The following LONRF1 variants were observed in gnomAD, a reference collection of about 807,000 sequenced individuals.
The protein encoded by LONRF1 is LON peptidase N-terminal domain and RING finger protein 1.
Under a neutral mutation model 85.8 loss-of-function variants are expected in LONRF1, and 37 were observed. The ratio of observed to expected loss-of-function variants is 0.43; its 90% CI spans 0.33 to 0.57. The LOEUF (loss-of-function observed/expected upper bound fraction) is 0.57, where lower values mean the gene tolerates loss of function less well. Ranked by LOEUF, LONRF1 falls within the 20% of genes least tolerant of loss-of-function variation. The pLI is 0.04. For synonymous variants in LONRF1, 517 were observed against 390.1 expected (o/e 1.33, Z -3.83); for missense variants, 1,036 against 978.0 (o/e 1.06, Z -0.79).
intron 11 of LONRF1, among the ~76,000 whole-genome samples, chr8:12,725,415 T>C (rs1798258356): frequency 6.6e-6 from 1 of 152,180 alleles, no homozygotes; most frequent in Non-Finnish European, 1.5e-5. Flanking sequence ...TCACAGTTTC[T>C]AGATAGTAAC....
chr8:12,724,390 C>T (rs1806070388), intron 11 of LONRF1, among the ~76,000 whole-genome samples: 1 of 152,178 alleles, frequency 6.6e-6, no homozygotes, highest in Non-Finnish European at 1.5e-5. Context: ...ATAGCCACTT[C>T]CCCACTAGTT....
At chr8:12,753,212 G>A (rs930214132) in intron 1 of LONRF1, 9 of 152,078 alleles carry the variant, frequency 5.9e-5, no homozygotes, top group South Asian at 2.1e-4. Flanking sequence ...AAAAATCTCC[G>A]GGGTTTGTGC....
At chr8:12,746,717 C>T (rs1330740615) in intron 1 of LONRF1, among the ~76,000 whole-genome samples, 1 of 152,076 alleles carries the variant, frequency 6.6e-6, no homozygotes, top group African/African-American at 2.4e-5. Flanking sequence ...TAGGATTGTC[C>T]ACATTTTTAT....
At chr8:12,743,807 G>T (rs1006239805) in intron 1 of LONRF1, among the ~76,000 whole-genome samples, 1 of 152,112 alleles carries the variant, frequency 6.6e-6, no homozygotes, top group Non-Finnish European at 1.5e-5. Context: ...GTTAATAAGA[G>T]TCAGCTTTTA....
intron 1 of LONRF1, chr8:12,754,250 G>C (rs968253451): frequency 6.5e-6 from 1 of 154,892 alleles, no homozygotes; most frequent in African/African-American, 2.4e-5. Flanking sequence ...CCTCGCGGGG[G>C]ATTCTCTCCC....
At chr8:12,735,508 A>C in intron 6 of LONRF1, 108 bp from the exon 7 acceptor site, 1 of 700,568 alleles carries the variant, frequency 1.4e-6, no homozygotes, top group South Asian at 1.7e-5. Context: ...AGGAAGAAGG[A>C]GGGCCCAGCA....
chr8:12,724,803 A>T (rs1025406065), intron 11 of LONRF1, among the ~76,000 whole-genome samples: 1 of 152,230 alleles, frequency 6.6e-6, no homozygotes, highest in East Asian at 1.9e-4. Context: ...ATGGCAACTG[A>T]TAATATGCTA....
Position 12,751,303 on chromosome 8 carries a change from T to TTTTTGTTGTTTTTTG in LONRF1, c.721+3396_721+3397insCAAAAAACAACAAAA, listed in dbSNP as rs1799387432. ...TTATATTTTTATTTTTATGTTTTTT[T>TTTTTGTTGTTTTTTG]TTTTTTTTTTTTTTTTTGAGACTGA... On this transcript the variant is annotated intron_variant, in intron 1 of 11. Coordinates refer to ENST00000398246, the MANE Select transcript of LONRF1 (RefSeq NM_152271.5). 2.1e-5 allele frequency among the ~76,000 whole-genome samples: 2 copies of TTTTTGTTGTTTTTTG among 95,948 alleles called. 1 individual carries two copies. The highest frequency in any genetic ancestry group is 4.7e-5 in the Non-Finnish European group (2 of 43,008). 62.9% of individuals were successfully genotyped at this position (95,948 alleles called of 152,430 possible).
At chr8:12,740,726 C>T (rs1692065570) in intron 3 of LONRF1, 148 bp downstream of exon 3, 1 of 997,528 alleles carries the variant, frequency 1.0e-6, no homozygotes, top group Non-Finnish European at 1.4e-6. Flanking sequence ...CGTACATGAA[C>T]CTGAAAACCA....
chr8:12,728,411 C>T (rs1294094172), intron 10 of LONRF1, among the ~76,000 whole-genome samples: 2 of 152,184 alleles, frequency 1.3e-5, no homozygotes, highest in Non-Finnish European at 2.9e-5. Context: ...TTATCTTAGG[C>T]ACAAGAACAA....
chr8:12,752,557 A>G (rs376566908), intron 1 of LONRF1, among the ~76,000 whole-genome samples: 83 of 152,248 alleles, frequency 5.5e-4, no homozygotes, highest in African/African-American at 1.9e-3. Flanking sequence ...TATTCCTGCA[A>G]AAGTAGAATG....
At chr8:12,732,155 C>A (rs1248228806) in intron 7 of LONRF1, among the ~76,000 whole-genome samples, 1 of 152,202 alleles carries the variant, frequency 6.6e-6, no homozygotes, top group African/African-American at 2.4e-5. Context: ...TGCCGTCTTC[C>A]ACAACAGAGG....
chr8:12,734,700 G>C (rs1172672909), intron 7 of LONRF1, among the ~76,000 whole-genome samples: 2 of 152,124 alleles, frequency 1.3e-5, no homozygotes, highest in African/African-American at 4.8e-5. Flanking sequence ...CACTTTTCTA[G>C]AGCTGCATTG....
chr8:12,731,456 C>A (rs747822578), intron 8 of LONRF1, among the ~76,000 whole-genome samples: 1 of 152,154 alleles, frequency 6.6e-6, no homozygotes, highest in Non-Finnish European at 1.5e-5. Context: ...AGCGCCCCCT[C>A]TCTATTTCCC....
At chr8:12,730,446 T>C (rs1203155325) in intron 8 of LONRF1, among the ~76,000 whole-genome samples, 1 of 152,216 alleles carries the variant, frequency 6.6e-6, no homozygotes, top group Admixed American at 6.5e-5. Context: ...ATTACTTATA[T>C]AAACATAAGG....
In LONRF1 at chr8:12,736,931, T is replaced by C. The variant is rs1161624381; in HGVS notation, c.1323A>G (p.Glu441=). The change falls in exon 5 of 12, where the codon GAA becomes GAG. Residue 441 remains glutamate, a synonymous_variant. Coordinates refer to ENST00000398246, the MANE Select transcript of LONRF1 (RefSeq NM_152271.5). Reference sequence around the variant, plus strand: ...GTTTTTTCAGCTTATTTCTTCCATCTTCATTTACAATCACATCCTGTTCTA... The same window carrying C: ...GTTTTTTCAGCTTATTTCTTCCATCCTCATTTACAATCACATCCTGTTCTA... The part of the protein sequence containing the change: ...SLLEQDVIVN[E]DGRNKLKKQG... 6.2e-6 allele frequency: 10 copies of C among 1,611,598 alleles called. No homozygotes were observed. Among genetic ancestry groups the C allele is most frequent in the Non-Finnish European group, 8.5e-6 (10 of 1,179,046 alleles).
intron 1 of LONRF1, chr8:12,753,588 T>C (rs1799498201): frequency 6.6e-6 from 1 of 152,156 alleles, no homozygotes; most frequent in African/African-American, 2.4e-5. Flanking sequence ...CCACAAGAGG[T>C]GGCAACCAAA....
intron 1 of LONRF1, chr8:12,754,246 G>C (rs1022572849): frequency 1.3e-5 from 2 of 154,430 alleles, no homozygotes; most frequent in Admixed American, 6.5e-5. Context: ...TTGCCCTCGC[G>C]GGGGATTCTC....
Position 12,751,303 on chromosome 8 carries a change from T to TTTTGTTTG in LONRF1, c.721+3396_721+3397insCAAACAAA, listed in dbSNP as rs1397340841. On this transcript the variant is annotated intron_variant, in intron 1 of 11. Coordinates refer to ENST00000398246, the MANE Select transcript of LONRF1 (RefSeq NM_152271.5). Reference sequence around the variant, plus strand: ...TTATATTTTTATTTTTATGTTTTTTTTTTTTTTTTTTTTTTTTGAGACTGA... The same window carrying TTTTGTTTG: ...TTATATTTTTATTTTTATGTTTTTTTTTTGTTTGTTTTTTTTTTTTTTTTTGAGACTGA... 3.2e-3 allele frequency among the ~76,000 whole-genome samples: 310 copies of TTTTGTTTG among 95,942 alleles called. 9 individuals carry two copies. The highest frequency in any genetic ancestry group is 0.015 in the East Asian group (43 of 2,850). The allele number at this position is 95,942 out of a possible 152,430, so 62.9% of individuals were successfully genotyped here. A position where few individuals can be genotyped will look rare whatever the true frequency, so the allele number is the denominator to read the frequency against.
Sources: gnomAD v4.1 joint callset for allele counts (sites outside exome capture counted in the v4.1 genomes callset) on GRCh38, gnomAD v4.1.1 for gene constraint, MANE v1.5 for transcripts, NCBI Gene and HGNC (gene_info 2026-07-23, HGNC 2026-07-21) for gene names.